Variants in RAB33B observed in about 807,000 individuals in gnomAD.
The protein encoded by RAB33B is ras-related protein Rab-33B.
In RAB33B, 6 loss-of-function variants were observed where a neutral mutation model predicts 15.0. That is an observed-to-expected ratio of 0.40 (90% CI 0.22 to 0.79). The LOEUF (loss-of-function observed/expected upper bound fraction) is 0.79, where lower values mean the gene tolerates loss of function less well. Ranked by LOEUF, RAB33B falls within the 30% of genes least tolerant of loss-of-function variation. The pLI is 0.37. For synonymous variants in RAB33B, 117 were observed against 108.3 expected, an observed-to-expected ratio of 1.08 and a Z score of -0.50; for missense variants, 257 against 296.4, an observed-to-expected ratio of 0.87 and a Z score of 0.98.
intron 1 of RAB33B, among the ~76,000 whole-genome samples, chr4:139,470,929 T>A (rs776840360): frequency 6.6e-6 from 1 of 152,094 alleles, no homozygotes; most frequent in Non-Finnish European, 1.5e-5. Context: ...TCCTCCCCAC[T>A]CTTCCCTCTC....
chr4:139,472,607 A>G, intron 1 of RAB33B, 79 bp from the exon 2 acceptor site: 1 of 1,038,230 alleles, frequency 9.6e-7, no homozygotes, highest in Non-Finnish European at 1.4e-6. Flanking sequence ...TAATAAAGAC[A>G]ATGCAAGATG....
intron 1 of RAB33B, among the ~76,000 whole-genome samples, chr4:139,465,075 G>A (rs374976801): frequency 3.9e-5 from 6 of 152,176 alleles, no homozygotes; most frequent in East Asian, 1.9e-4. Context: ...TTTAGTGATC[G>A]CCATTCTAAC....
the RAB33B span, among the ~76,000 whole-genome samples, chr4:139,443,301 C>T: frequency 6.6e-6 from 1 of 152,180 alleles, no homozygotes. Context: ...CTGGCATGAA[C>T]TTTTTAGAGA....
intron 1 of RAB33B, among the ~76,000 whole-genome samples, chr4:139,466,653 A>G (rs184227958): frequency 2.1e-4 from 32 of 151,344 alleles, no homozygotes; most frequent in Admixed American, 4.6e-4. Flanking sequence ...ATCTCAGCTC[A>G]CTGCAACCTC....
In RAB33B at chr4:139,472,761, G is replaced by T. The variant is rs776396935; in HGVS notation, c.325G>T (p.Ala109Ser). The T allele has an allele frequency of 1.9e-6, 3 of 1,613,990 alleles. No homozygotes were observed. Among genetic ancestry groups the T allele is most frequent in the Non-Finnish European group, 1.7e-6 (2 of 1,179,844 alleles). Residue 109 changes from alanine to serine, a missense_variant, in exon 2 of 2, where the codon GCT (alanine) becomes TCT (serine). Coordinates refer to ENST00000305626, the MANE Select transcript of RAB33B (RefSeq NM_031296.3). ...MVQHYYRNVH[A>S]VVFVYDMTNM... ...TCAGCACTACTACAGAAATGTACAT[G>T]CTGTTGTCTTCGTGTATGATATGAC...
chr4:139,456,038 T>C (rs1424379755), intron 1 of RAB33B, among the ~76,000 whole-genome samples: 1 of 152,222 alleles, frequency 6.6e-6, no homozygotes, highest in Non-Finnish European at 1.5e-5. Flanking sequence ...TCAGAGTCTG[T>C]ATTTTTCTTC....
chr4:139,455,461 C>G (rs1045629314), intron 1 of RAB33B, among the ~76,000 whole-genome samples: 2 of 152,140 alleles, frequency 1.3e-5, no homozygotes, highest in Non-Finnish European at 2.9e-5. Context: ...ATCTTAGAGG[C>G]AAGAACAATT....
chr4:139,454,097 G>C, upstream of RAB33B: 1 of 1,412,390 alleles, frequency 7.1e-7, no homozygotes, highest in Non-Finnish European at 9.4e-7. Context: ...AAGTTGCGCA[G>C]CCGAACTGGC....
intron 1 of RAB33B, among the ~76,000 whole-genome samples, chr4:139,464,386 G>GTTTTTTGTTTTTTTTTTTT (rs1750234445): frequency 9.8e-6 from 1 of 101,772 alleles, no homozygotes; most frequent in Non-Finnish European, 2.0e-5. Flanking sequence ...GAGGAATACT[G>GTTTTTTGTTTTTTTTTTTT]TTTTTTTTTT....
chr4:139,457,929 C>CT (rs967046736), intron 1 of RAB33B, among the ~76,000 whole-genome samples: 11 of 152,154 alleles, frequency 7.2e-5, no homozygotes, highest in African/African-American at 2.7e-4. Context: ...TATTAACTGT[C>CT]TTGTCTTCAA....
At chr4:139,458,360 G>C (rs796271550) in intron 1 of RAB33B, among the ~76,000 whole-genome samples, 1 of 152,144 alleles carries the variant, frequency 6.6e-6, no homozygotes, top group Non-Finnish European at 1.5e-5. Flanking sequence ...TGTCACAGGG[G>C]TTTGGTGTAC....
chr4:139,473,179 T>A lies in RAB33B; in HGVS notation c.*53T>A, dbSNP rs368776354. ...TTTGACTAAAGAAATACTTTTGAAG[T>A]ATGACAGTATTAAGTCATAAGATTT... On this transcript the variant is annotated 3_prime_UTR_variant, in exon 2 of 2. Transcript: ENST00000305626. 1.2e-4 allele frequency: 167 copies of A among 1,425,996 alleles called. 1 individual carries two copies. The East Asian group carries it at 1.2e-3, about 11-fold the overall frequency. The allele number at this position is 1,425,996 out of a possible 1,614,324, so 88.3% of individuals were successfully genotyped here. A position where few individuals can be genotyped will look rare whatever the true frequency, so the allele number is the denominator to read the frequency against.
intron 1 of RAB33B, among the ~76,000 whole-genome samples, chr4:139,467,067 C>T (rs1750302295): frequency 6.8e-6 from 1 of 146,924 alleles, no homozygotes; most frequent in African/African-American, 2.5e-5. Context: ...CTCCCAGGCT[C>T]AAGTGATTTT....
rs1750012238 is a variant in RAB33B at position 139,454,133 on chromosome 4, G to C, written c.-63G>C. 1 of 1,531,736 alleles carries C rather than the reference G, an allele frequency of 6.5e-7. No individual in the cohort carries two copies. The highest frequency in any genetic ancestry group is 8.8e-7 in the Non-Finnish European group (1 of 1,139,756). 94.9% of individuals were successfully genotyped at this position (1,531,736 alleles called of 1,614,324 possible). A position where few individuals can be genotyped will look rare whatever the true frequency, so the allele number is the denominator to read the frequency against. On this transcript the variant is annotated 5_prime_UTR_variant, in exon 1 of 2. Coordinates refer to ENST00000305626, the MANE Select transcript of RAB33B (RefSeq NM_031296.3). The stretch of plus-strand genomic sequence containing the variant: ...CGGCTGGGCGCGCGCTCTTGCGGTG[G>C]CGTAATCTCTCAGCCTTTCTGTGTC...
chr4:139,472,274 C>T (rs1382214821), intron 1 of RAB33B, among the ~76,000 whole-genome samples: 1 of 152,126 alleles, frequency 6.6e-6, no homozygotes, highest in Non-Finnish European at 1.5e-5. Flanking sequence ...ATAACAACAT[C>T]TTTCCTAGGT....
At chr4:139,471,371 G>C (rs567583386) in intron 1 of RAB33B, among the ~76,000 whole-genome samples, 1 of 152,244 alleles carries the variant, frequency 6.6e-6, no homozygotes, top group East Asian at 1.9e-4. Context: ...TGCCCAGAGA[G>C]GCTCTCTGTA....
At chr4:139,448,064 C>T in the RAB33B span, among the ~76,000 whole-genome samples, 2 of 152,128 alleles carry the variant, frequency 1.3e-5, no homozygotes, top group South Asian at 2.1e-4. Flanking sequence ...TCTACTATTC[C>T]ACAACTGAGG....
intron 1 of RAB33B, among the ~76,000 whole-genome samples, chr4:139,465,997 C>T (rs1428992376): frequency 6.6e-6 from 1 of 151,898 alleles, no homozygotes; most frequent in Non-Finnish European, 1.5e-5. Flanking sequence ...ACTGTGTTGC[C>T]CAAGCTGGTA....
chr4:139,453,006 G>T (rs1749961034), upstream of RAB33B: 1 of 152,158 alleles, frequency 6.6e-6, no homozygotes, highest in Admixed American at 6.5e-5. Flanking sequence ...AATATTGCAC[G>T]TTTCCTCAGA....
Sources: allele counts gnomAD v4.1 joint callset (sites outside exome capture counted in the v4.1 genomes callset), GRCh38; gene constraint gnomAD v4.1.1; transcripts MANE v1.5; gene names NCBI Gene and HGNC (gene_info 2026-07-23, HGNC 2026-07-21).